ADGRG7: variants seen among roughly 807,000 people sequenced by gnomAD.
ADGRG7 encodes the protein adhesion G protein-coupled receptor G7, also known as G-protein coupled receptor 128.
A neutral mutation model predicts 88.6 loss-of-function variants in ADGRG7; 82 were observed. The ratio of observed to expected loss-of-function variants is 0.93; its 90% CI spans 0.77 to 1.11. The LOEUF (loss-of-function observed/expected upper bound fraction) is 1.11, where lower values mean the gene tolerates loss of function less well. Among genes scored for constraint, ADGRG7 ranks in the 50% most tolerant of loss-of-function variants. The pLI is 0.00. For missense variants in ADGRG7, 945 were observed against 953.4 expected (o/e 0.99, Z 0.12); for synonymous variants, 381 against 345.2 (o/e 1.10, Z -1.15).
intron 3 of ADGRG7, among the ~76,000 whole-genome samples, chr3:100,632,197 C>A (rs551780675): frequency 1.5e-3 from 232 of 152,160 alleles, no homozygotes; most frequent in African/African-American, 5.0e-3. Context: ...AGTCATCACA[C>A]TTGTTTAATA....
intron 15 of ADGRG7, among the ~76,000 whole-genome samples, chr3:100,689,816 T>G (rs2094989960): frequency 6.6e-6 from 1 of 152,210 alleles, no homozygotes; most frequent in African/African-American, 2.4e-5. Flanking sequence ...CATTTTTTCC[T>G]TCATTTCGAC....
At chr3:100,686,016 C>A (rs1241443516) in intron 15 of ADGRG7, among the ~76,000 whole-genome samples, 1 of 151,270 alleles carries the variant, frequency 6.6e-6, no homozygotes, top group African/African-American at 2.4e-5. Context: ...TCCTATTTCT[C>A]CACATCCTCT....
chr3:100,670,617 T>C (rs1165285285), intron 15 of ADGRG7, among the ~76,000 whole-genome samples: 1 of 152,140 alleles, frequency 6.6e-6, no homozygotes, highest in Non-Finnish European at 1.5e-5. Flanking sequence ...AACATGCCAG[T>C]TTGTTACATA....
intron 6 of ADGRG7, among the ~76,000 whole-genome samples, chr3:100,639,300 T>A (rs10451876): frequency 0.015 from 2,263 of 152,296 alleles, 62 homozygotes; most frequent in African/African-American, 0.051. Flanking sequence ...ATAATCTTTA[T>A]TTACACGACC....
intron 7 of ADGRG7, 52 bp downstream of exon 7, chr3:100,643,457 A>C: frequency 1.2e-6 from 2 of 1,609,336 alleles, no homozygotes; most frequent in Non-Finnish European, 1.7e-6. Flanking sequence ...TCTGCTACTG[A>C]TGATGAATAA....
chr3:100,637,325 A>C lies in ADGRG7; in HGVS notation c.621A>C (p.Thr207=). 6.2e-7 allele frequency: 1 copy of C among 1,613,728 alleles called. No individual in the cohort carries two copies. Among genetic ancestry groups the C allele is most frequent in the African/African-American group, 1.3e-5 (1 of 75,048 alleles). The part of the protein sequence containing the change: ...SPEAKKVAIV[T]VSQLLDASED... ...AGGCAAAGAAAGTTGCCATAGTAAC[A>C]GTGAGTCAACTCCTAGATGCCAGTG... The change falls in exon 6 of 16, where the codon ACA becomes ACC. Residue 207 remains threonine (T), a synonymous_variant. Coordinates refer to ENST00000273352, the MANE Select transcript of ADGRG7 (RefSeq NM_032787.3).
At chr3:100,646,790 C>T in intron 10 of ADGRG7, 66 bp downstream of exon 10, 1 of 1,272,564 alleles carries the variant, frequency 7.9e-7, no homozygotes, top group African/African-American at 1.5e-5. Flanking sequence ...CTAGTAGGTG[C>T]TCCTTGGAGA....
In ADGRG7 at chr3:100,610,037, T is replaced by C. The variant is rs954768445; in HGVS notation, c.115+66T>C. 18 of 1,304,598 alleles carry C rather than the reference T, an allele frequency of 1.4e-5. No individual in the cohort carries two copies. In the African/African-American group the frequency reaches 2.3e-4, roughly 17 times the overall value. 80.8% of individuals were successfully genotyped at this position (1,304,598 alleles called of 1,614,324 possible). ...GTATGGGACCTCTGTCCCTGCCACC[T>C]GGTGCACAAGTACTGGGAGGTACCT... On this transcript the variant is annotated intron_variant, in intron 1 of 15. Transcript: ENST00000273352.
At chr3:100,620,720 C>T (rs182277322) in intron 1 of ADGRG7, among the ~76,000 whole-genome samples, 2 of 152,252 alleles carry the variant, frequency 1.3e-5, no homozygotes, top group African/African-American at 4.8e-5. Flanking sequence ...CCCTCACAGA[C>T]CCTGGCTGAA....
intron 1 of ADGRG7, among the ~76,000 whole-genome samples, chr3:100,610,687 G>C (rs1707134756): frequency 6.6e-6 from 1 of 152,174 alleles, no homozygotes; most frequent in African/African-American, 2.4e-5. Context: ...TCCTAATGCT[G>C]GATCCCTTGG....
chr3:100,622,587 A>G (rs897385871), intron 1 of ADGRG7, among the ~76,000 whole-genome samples: 1 of 152,160 alleles, frequency 6.6e-6, no homozygotes, highest in Non-Finnish European at 1.5e-5. Flanking sequence ...CCACTTAAAA[A>G]AAGCGGGCTG....
intron 15 of ADGRG7, among the ~76,000 whole-genome samples, chr3:100,670,367 C>T (rs562359786): frequency 6.6e-6 from 1 of 152,234 alleles, no homozygotes; most frequent in East Asian, 1.9e-4. Flanking sequence ...CTGAATAGTA[C>T]TCCATTGTGT....
chr3:100,639,306 C>T (rs1017785987), intron 6 of ADGRG7, among the ~76,000 whole-genome samples: 15 of 152,168 alleles, frequency 9.9e-5, no homozygotes, highest in East Asian at 7.7e-4. Context: ...TTTATTTACA[C>T]GACCCATTAT....
chr3:100,655,244 A>G (rs2094936071), intron 12 of ADGRG7, 63 bp downstream of exon 12: 6 of 1,245,352 alleles, frequency 4.8e-6, no homozygotes, highest in African/African-American at 1.5e-5. Flanking sequence ...TAATTTAAAC[A>G]CTTATTGAAG....
rs75385667 is a variant in ADGRG7, at chr3:100,621,304, A to T, written c.116-8294A>T. On this transcript the variant is annotated intron_variant, in intron 1 of 15. Coordinates refer to ENST00000273352, the MANE Select transcript of ADGRG7 (RefSeq NM_032787.3). Reference sequence around the variant, plus strand: ...AATGATTAAGTTTAGTGAGAAAAGCATGTGAAAGCTGAGAAAGCAGAAAGC... The same window carrying T: ...AATGATTAAGTTTAGTGAGAAAAGCTTGTGAAAGCTGAGAAAGCAGAAAGC... Among the ~76,000 whole-genome samples the T allele has an allele frequency of 3.1e-3, 479 of 152,360 alleles. 6 individuals are homozygous for T. The East Asian group carries it at 0.046, about 15-fold the overall frequency.
rs2094935472 is a variant in ADGRG7 at position 100,654,961 on chromosome 3, C to T, written c.1506C>T (p.Asp502=). The T allele has an allele frequency of 6.2e-7, 1 of 1,613,820 alleles. No homozygotes were observed. Among genetic ancestry groups the T allele is most frequent in the Non-Finnish European group, 8.5e-7 (1 of 1,179,848 alleles). Residue 502 remains aspartate (D), a synonymous_variant, in exon 12 of 16, where the codon GAC becomes GAT. Transcript: ENST00000273352. ...AGAACTTGCAGACAAGTGATGGTGA[C>T]ATCAATAATATTGACTTTGACAATA... ...SNKNLQTSDG[D]INNIDFDNND...
At chr3:100,611,352 T>G (rs1209780781) in intron 1 of ADGRG7, among the ~76,000 whole-genome samples, 1 of 150,292 alleles carries the variant, frequency 6.7e-6, no homozygotes, top group Non-Finnish European at 1.5e-5. Flanking sequence ...CCCGTTCCTT[T>G]TTTCCTTTAT....
chr3:100,634,307 G>T (rs1315871565), intron 4 of ADGRG7, among the ~76,000 whole-genome samples: 1 of 152,156 alleles, frequency 6.6e-6, no homozygotes, highest in Non-Finnish European at 1.5e-5. Context: ...AAACTTCTGT[G>T]AGTTGAATGT....
At chr3:100,688,784 G>A (rs1461032479) in intron 15 of ADGRG7, among the ~76,000 whole-genome samples, 1 of 152,140 alleles carries the variant, frequency 6.6e-6, no homozygotes, top group African/African-American at 2.4e-5. Context: ...GCTGAGGAGA[G>A]CTTTACTTCC....
Sources: allele counts gnomAD v4.1 joint callset (sites outside exome capture counted in the v4.1 genomes callset), GRCh38; gene constraint gnomAD v4.1.1; transcripts MANE v1.5; gene names NCBI Gene and HGNC (gene_info 2026-07-23, HGNC 2026-07-21).